Variants in SCFD2 observed in about 807,000 individuals in gnomAD.
SCFD2 encodes sec1 family domain containing 2.
In SCFD2, 54 loss-of-function variants were observed where a neutral mutation model predicts 58.9. The ratio of observed to expected loss-of-function variants is 0.92; its 90% confidence interval spans 0.74 to 1.15. The LOEUF is 1.15. SCFD2 is among the 50% of genes most tolerant of loss of function. SCFD2 has a pLI of 0.00. For synonymous variants in SCFD2, 321 were observed against 335.9 expected, an observed-to-expected ratio of 0.96 and a Z score of 0.49; for missense variants, 805 against 836.6, an observed-to-expected ratio of 0.96 and a Z score of 0.47.
At chr4:52,961,454 A>G (rs1416244855) in intron 5 of SCFD2, among the ~76,000 whole-genome samples, 2 of 152,190 alleles carry the variant, frequency 1.3e-5, no homozygotes, top group African/African-American at 4.8e-5. Flanking sequence ...TTTATTTCAT[A>G]TCAGCTGTTT....
intron 2 of SCFD2, among the ~76,000 whole-genome samples, chr4:53,314,033 A>T (rs1446181078): frequency 6.6e-6 from 1 of 152,150 alleles, no homozygotes; most frequent in Non-Finnish European, 1.5e-5. Context: ...TATGTGATAA[A>T]TTTTTTCAAA....
intron 5 of SCFD2, among the ~76,000 whole-genome samples, chr4:53,087,484 C>T (rs753612767): frequency 1.3e-4 from 20 of 152,062 alleles, no homozygotes; most frequent in Non-Finnish European, 2.2e-4. Context: ...CAGGCATCCG[C>T]CACCACACCC....
intron 4 of SCFD2, among the ~76,000 whole-genome samples, chr4:53,182,489 C>T (rs1289627642): frequency 6.6e-6 from 1 of 152,040 alleles, no homozygotes; most frequent in Non-Finnish European, 1.5e-5. Context: ...TTACACCTTA[C>T]ACAAAAATGA....
chr4:53,129,612 G>A (rs1165588201), intron 5 of SCFD2, among the ~76,000 whole-genome samples: 1 of 152,104 alleles, frequency 6.6e-6, no homozygotes, highest in Non-Finnish European at 1.5e-5. Flanking sequence ...GTACCTAAAT[G>A]TTTTTCCTCC....
At chr4:52,877,669 C>T (rs771423377) in intron 8 of SCFD2, among the ~76,000 whole-genome samples, 1 of 152,214 alleles carries the variant, frequency 6.6e-6, no homozygotes, top group Non-Finnish European at 1.5e-5. Flanking sequence ...CCTTTGTCAC[C>T]GTCACTGTCC....
intron 5 of SCFD2, among the ~76,000 whole-genome samples, chr4:53,005,964 G>A (rs1199298262): frequency 6.6e-6 from 1 of 152,178 alleles, no homozygotes; most frequent in South Asian, 2.1e-4. Flanking sequence ...GGAGAAAAGA[G>A]GAAGGAGGGG....
intron 7 of SCFD2, among the ~76,000 whole-genome samples, chr4:52,900,342 T>C (rs932034968): frequency 1.3e-5 from 2 of 152,234 alleles, no homozygotes; most frequent in Non-Finnish European, 1.5e-5. Context: ...TGGATGTCCT[T>C]TCTGTTTGTT....
chr4:53,116,703 T>C (rs1236779807), intron 5 of SCFD2, among the ~76,000 whole-genome samples: 1 of 152,200 alleles, frequency 6.6e-6, no homozygotes, highest in Admixed American at 6.5e-5. Context: ...AGAGTTGGGT[T>C]TTGTGAACCA....
intron 3 of SCFD2, among the ~76,000 whole-genome samples, chr4:53,294,414 A>T (rs1195743786): frequency 6.6e-6 from 1 of 152,086 alleles, no homozygotes; most frequent in Non-Finnish European, 1.5e-5. Flanking sequence ...GCATTTTTTC[A>T]TGTTCGTTGG....
At chr4:52,940,681 C>G (rs1055590570) in intron 5 of SCFD2, among the ~76,000 whole-genome samples, 1 of 152,168 alleles carries the variant, frequency 6.6e-6, no homozygotes, top group Non-Finnish European at 1.5e-5. Context: ...CCCTATTAAA[C>G]TGATTTTTCT....
intron 2 of SCFD2, among the ~76,000 whole-genome samples, chr4:53,318,965 A>C (rs1386296815): frequency 6.6e-6 from 1 of 152,216 alleles, no homozygotes; most frequent in Non-Finnish European, 1.5e-5. Flanking sequence ...AAGTAACCTC[A>C]ATCTTTAAAA....
At chr4:52,988,295 C>T (rs935344007) in intron 5 of SCFD2, among the ~76,000 whole-genome samples, 1 of 152,182 alleles carries the variant, frequency 6.6e-6, no homozygotes, top group Non-Finnish European at 1.5e-5. Context: ...TAAGGATGAA[C>T]AGAAAAGTTA....
At chr4:53,079,956 G>A (rs763086551) in intron 5 of SCFD2, among the ~76,000 whole-genome samples, 1 of 152,112 alleles carries the variant, frequency 6.6e-6, no homozygotes. Context: ...ATATATACAT[G>A]AAGAAATTCC....
At chr4:53,362,440 G>A (rs553064490) in intron 1 of SCFD2, among the ~76,000 whole-genome samples, 162 of 152,314 alleles carry the variant, frequency 1.1e-3, no homozygotes, top group Non-Finnish European at 1.9e-3. Context: ...ATAAGAAGCT[G>A]GCCTAAGTGG....
At chr4:53,224,627 T>A (rs117456068) in intron 4 of SCFD2, among the ~76,000 whole-genome samples, 1 of 152,108 alleles carries the variant, frequency 6.6e-6, no homozygotes, top group African/African-American at 2.4e-5. Context: ...ATAACCTTAG[T>A]AGATGCCATG....
At chr4:53,048,567 C>A (rs757031130) in intron 5 of SCFD2, among the ~76,000 whole-genome samples, 53 of 152,270 alleles carry the variant, frequency 3.5e-4, no homozygotes, top group Non-Finnish European at 1.0e-4. Context: ...GAGACCCTGT[C>A]TCTACAGAAA....
intron 4 of SCFD2, among the ~76,000 whole-genome samples, chr4:53,248,345 GA>G (rs1172731678): frequency 1.3e-5 from 2 of 152,206 alleles, no homozygotes; most frequent in Non-Finnish European, 2.9e-5. Context: ...GAGGATGGGG[GA>G]GGGGCGCCCG....
At chr4:53,274,983 T>C (rs1055213968) in intron 3 of SCFD2, among the ~76,000 whole-genome samples, 2 of 152,246 alleles carry the variant, frequency 1.3e-5, no homozygotes, top group African/African-American at 4.8e-5. Context: ...AAACTTGTTA[T>C]AAACTGAAAT....
intron 5 of SCFD2, among the ~76,000 whole-genome samples, chr4:53,131,685 C>G (rs1470885977): frequency 3.3e-5 from 5 of 152,182 alleles, no homozygotes; most frequent in African/African-American, 1.2e-4. Flanking sequence ...AAGTGACTTG[C>G]AGGTTACACA....
Sources: gnomAD v4.1 joint callset for allele counts (sites outside exome capture counted in the v4.1 genomes callset) on GRCh38, gnomAD v4.1.1 for gene constraint, MANE v1.5 for transcripts, NCBI Gene and HGNC (gene_info 2026-07-23, HGNC 2026-07-21) for gene names.